Variants in HDAC9 observed in about 807,000 individuals in gnomAD.
The protein encoded by HDAC9 is histone deacetylase 9.
A neutral mutation model predicts 139.4 loss-of-function variants in HDAC9; 41 were observed. The ratio of observed to expected loss-of-function variants is 0.29; its 90% confidence interval spans 0.23 to 0.38. The LOEUF is 0.38. Ranked by LOEUF, HDAC9 falls within the 10% of genes least tolerant of loss-of-function variation. The probability of loss-of-function intolerance (pLI) is 1.00; values close to 1 mark genes in which losing one functional copy is unlikely to be tolerated. For synonymous variants in HDAC9, 517 were observed against 476.2 expected (o/e 1.09, Z -1.12); for missense variants, 1,147 against 1,297.0 (o/e 0.88, Z 1.78).
In HDAC9 at chr7:18,634,661, T is replaced by C; in HGVS notation, c.831T>C (p.Gly277=). 5 of 1,590,886 alleles carry C rather than the reference T, an allele frequency of 3.1e-6. No homozygotes were observed. Among genetic ancestry groups the C allele is most frequent in the Non-Finnish European group, 3.4e-6 (4 of 1,167,284 alleles). Residue 277 remains glycine (G), a synonymous_variant, in exon 8 of 26, where the codon GGT becomes GGC. Transcript: ENST00000686413. ...SSVSSSSPGS[G]PSSPNNGPTG... ...TCAGTAGCAGTTCTCCAGGCTCTGGTCCCAGTTCACCAAACAATGGGCCAA... is the reference window on the plus strand; with the variant it reads ...TCAGTAGCAGTTCTCCAGGCTCTGGCCCCAGTTCACCAAACAATGGGCCAA...
intron 1 of HDAC9, among the ~76,000 whole-genome samples, chr7:18,355,195 T>C (rs1783157611): frequency 6.6e-6 from 1 of 152,308 alleles, no homozygotes; most frequent in African/African-American, 2.4e-5. Flanking sequence ...ATAAAAACTC[T>C]TATTATCTCC....
intron 2 of HDAC9, among the ~76,000 whole-genome samples, chr7:18,168,246 C>T (rs73317814): frequency 0.019 from 2,918 of 152,220 alleles, 103 homozygotes; most frequent in African/African-American, 0.067. Context: ...ACTTTATAAT[C>T]ACAATTCTTA....
At chr7:18,532,281 A>C (rs1227743127) in intron 2 of HDAC9, among the ~76,000 whole-genome samples, 1 of 152,020 alleles carries the variant, frequency 6.6e-6, no homozygotes, top group East Asian at 1.9e-4. Flanking sequence ...AACAAACAAA[A>C]AACCACAAAG....
chr7:18,118,238 G>C (rs1321263037), intron 1 of HDAC9, among the ~76,000 whole-genome samples: 1 of 152,108 alleles, frequency 6.6e-6, no homozygotes, highest in Non-Finnish European at 1.5e-5. Flanking sequence ...GCTTTCTCTT[G>C]CCTTGTTCCT....
chr7:18,881,111 G>A (rs1799706387), intron 22 of HDAC9, among the ~76,000 whole-genome samples: 1 of 152,054 alleles, frequency 6.6e-6, no homozygotes, highest in Non-Finnish European at 1.5e-5. Flanking sequence ...GTACTAATCC[G>A]ATAAACAAAT....
intron 6 of HDAC9, among the ~76,000 whole-genome samples, chr7:18,605,213 C>G (rs1052725362): frequency 3.3e-5 from 5 of 152,144 alleles, no homozygotes; most frequent in Non-Finnish European, 7.4e-5. Flanking sequence ...TTTTAATTCA[C>G]TGTTATAATA....
chr7:18,976,012 A>G, intron 25 of HDAC9, 59 bp downstream of exon 25: 1 of 1,544,692 alleles, frequency 6.5e-7, no homozygotes, highest in East Asian at 2.3e-5. Context: ...CATCGTTGAT[A>G]TTTGTGAATC....
At chr7:18,523,676 G>A (rs1805817774) in intron 2 of HDAC9, among the ~76,000 whole-genome samples, 1 of 152,170 alleles carries the variant, frequency 6.6e-6, no homozygotes, top group Admixed American at 6.5e-5. Flanking sequence ...ACATAATTAT[G>A]TAATTGGTTA....
intron 1 of HDAC9, among the ~76,000 whole-genome samples, chr7:18,144,544 G>T (rs1786154467): frequency 6.6e-6 from 1 of 152,072 alleles, no homozygotes; most frequent in East Asian, 1.9e-4. Flanking sequence ...TTTCTGCCCA[G>T]TCTTCCTGTA....
intron 13 of HDAC9, among the ~76,000 whole-genome samples, chr7:18,738,210 T>A (rs566209464): frequency 1.6e-4 from 24 of 152,358 alleles, no homozygotes; most frequent in African/African-American, 4.6e-4. Context: ...TGACTCATTG[T>A]CCAATTTGCC....
chr7:18,674,482 A>G (rs531067979), intron 12 of HDAC9, among the ~76,000 whole-genome samples: 51 of 152,124 alleles, frequency 3.4e-4, no homozygotes, highest in African/African-American at 1.1e-3. Flanking sequence ...AATCAGTTCC[A>G]TAGTTTCCCA....
chr7:18,709,024 G>T (rs180864545), intron 12 of HDAC9, among the ~76,000 whole-genome samples: 1 of 150,400 alleles, frequency 6.6e-6, no homozygotes, highest in Non-Finnish European at 1.5e-5. Context: ...TAACATAAAC[G>T]TTAACAACAG....
intron 21 of HDAC9, among the ~76,000 whole-genome samples, chr7:18,870,747 C>A (rs1475768940): frequency 6.6e-6 from 1 of 152,288 alleles, no homozygotes; most frequent in Non-Finnish European, 1.5e-5. Flanking sequence ...GATCATAACT[C>A]ATTGCAGCCT....
rs142472517 is a variant in HDAC9 at position 18,456,436 on chromosome 7, A to C, written c.-41-39826A>C. ...TTTTTAGTTGAGATGGGGTTTCACCATGCTGGCCAGGCTGATCTCGAACTC... is the reference window on the plus strand; with the variant it reads ...TTTTTAGTTGAGATGGGGTTTCACCCTGCTGGCCAGGCTGATCTCGAACTC... On this transcript the variant is annotated intron_variant, in intron 1 of 3. Transcript: ENST00000413509. 1.2e-3 allele frequency among the ~76,000 whole-genome samples: 185 copies of C among 152,220 alleles called. 2 individuals are homozygous for C. In the East Asian group the frequency reaches 0.032, roughly 26 times the overall value.
intron 14 of HDAC9, among the ~76,000 whole-genome samples, chr7:18,751,689 T>C (rs916685234): frequency 6.6e-6 from 1 of 152,130 alleles, no homozygotes; most frequent in African/African-American, 2.4e-5. Context: ...TGCCCATGTG[T>C]GAATGATATT....
chr7:18,320,446 C>T (rs994569598), intron 1 of HDAC9, among the ~76,000 whole-genome samples: 1 of 152,162 alleles, frequency 6.6e-6, no homozygotes, highest in African/African-American at 2.4e-5. Flanking sequence ...CCTGTCCAAC[C>T]TTGAAAGATG....
intron 2 of HDAC9, among the ~76,000 whole-genome samples, chr7:18,550,317 T>C (rs2128658500): frequency 6.6e-6 from 1 of 152,318 alleles, no homozygotes; most frequent in African/African-American, 2.4e-5. Flanking sequence ...TTCCATTCTA[T>C]GTTATGATTT....
chr7:18,498,183 C>G (rs1797428090), intron 2 of HDAC9, among the ~76,000 whole-genome samples: 1 of 152,056 alleles, frequency 6.6e-6, no homozygotes, highest in African/African-American at 2.4e-5. Flanking sequence ...AAATGTGAAG[C>G]ATAAAAACAA....
At chr7:18,945,687 G>A (rs747837199) in intron 23 of HDAC9, among the ~76,000 whole-genome samples, 2 of 152,040 alleles carry the variant, frequency 1.3e-5, no homozygotes, top group Non-Finnish European at 2.9e-5. Flanking sequence ...TAATATAGAG[G>A]TCAGGTTTGT....
Sources: allele counts gnomAD v4.1 joint callset (sites outside exome capture counted in the v4.1 genomes callset), GRCh38; gene constraint gnomAD v4.1.1; transcripts MANE v1.5; gene names NCBI Gene and HGNC (gene_info 2026-07-23, HGNC 2026-07-21).